Variants in KDM2B observed in about 807,000 individuals in gnomAD.
The protein encoded by KDM2B is lysine demethylase 2B.
A neutral mutation model predicts 150.0 loss-of-function variants in KDM2B; 26 were observed. The observed-to-expected ratio is 0.17, with a 90% CI of 0.13 to 0.24. KDM2B has a LOEUF of 0.24. KDM2B is among the 10% of genes least tolerant of loss of function. KDM2B has a pLI of 1.00. For synonymous variants in KDM2B, 734 were observed against 729.5 expected (o/e 1.01, Z -0.10); for missense variants, 1,265 against 1,816.9 (o/e 0.70, Z 5.52).
At chr12:121,539,945 GGCTAGGCT>G (rs1888468033) in intron 6 of KDM2B, among the ~76,000 whole-genome samples, 1 of 151,958 alleles carries the variant, frequency 6.6e-6, no homozygotes, top group Non-Finnish European at 1.5e-5. Flanking sequence ...TTGCTGTATT[GGCTAGGCT>G]GCTCTCGAAC....
intron 4 of KDM2B, among the ~76,000 whole-genome samples, chr12:121,573,630 G>C (rs2136540902): frequency 6.7e-6 from 1 of 149,832 alleles, no homozygotes; most frequent in Admixed American, 6.7e-5. Context: ...TGTCGCCCAG[G>C]CTGGAGCGCA....
chr12:121,536,028 C>G (rs1888063327), intron 6 of KDM2B: 1 of 985,272 alleles, frequency 1.0e-6, no homozygotes, highest in African/African-American at 1.7e-5. Context: ...ACCTCTTTTC[C>G]CCGCTGCACT....
intron 10 of KDM2B, among the ~76,000 whole-genome samples, chr12:121,511,732 G>A (rs1885610758): frequency 6.6e-6 from 1 of 152,228 alleles, no homozygotes; most frequent in Non-Finnish European, 1.5e-5. Context: ...ATGGTGAATT[G>A]TGTGATATGG....
At chr12:121,500,385 C>T (rs7309786) in intron 11 of KDM2B, among the ~76,000 whole-genome samples, 9,553 of 152,224 alleles carry the variant, frequency 0.063, 719 homozygotes, top group East Asian at 0.23. Context: ...ACCCTTTCTG[C>T]GGGAAACTGC....
chr12:121,487,950 T>G (rs1245536832), intron 12 of KDM2B, among the ~76,000 whole-genome samples: 5 of 151,942 alleles, frequency 3.3e-5, no homozygotes, highest in Non-Finnish European at 5.9e-5. Context: ...CCCGGCTAAT[T>G]TTTTGTATTT....
intron 12 of KDM2B, among the ~76,000 whole-genome samples, chr12:121,492,330 A>T (rs938127355): frequency 3.9e-5 from 6 of 152,068 alleles, no homozygotes; most frequent in African/African-American, 1.4e-4. Flanking sequence ...GATTTAGCAA[A>T]TAAAACTATA....
intron 22 of KDM2B, among the ~76,000 whole-genome samples, chr12:121,432,891 C>T (rs1188332156): frequency 6.6e-6 from 1 of 152,246 alleles, no homozygotes; most frequent in Non-Finnish European, 1.5e-5. Context: ...CTGCCTCTCC[C>T]TTGACACCTT....
At chr12:121,548,309 G>A (rs1889225264) in intron 6 of KDM2B, among the ~76,000 whole-genome samples, 1 of 152,174 alleles carries the variant, frequency 6.6e-6, no homozygotes, top group African/African-American at 2.4e-5. Context: ...GTTAACTTCT[G>A]TACCTAGTGT....
In KDM2B at chr12:121,531,111, G is replaced by A. The variant is rs151098175; in HGVS notation, c.931+1695C>T. 9.7e-3 allele frequency among the ~76,000 whole-genome samples: 1,480 copies of A among 151,986 alleles called. 21 individuals carry two copies. The highest frequency in any genetic ancestry group is 0.031 in the African/African-American group (1,292 of 41,434). On this transcript the variant is annotated intron_variant, in intron 8 of 22. Coordinates refer to ENST00000377071, the MANE Select transcript of KDM2B (RefSeq NM_032590.5). ...AGAAGGAGGATGCCACCTCCTTCCC[G>A]AGTCTCCACTACTCCACATCTGCCA... is the stretch of plus-strand genomic sequence containing the variant.
At position 121,440,826 on chromosome 12, in the gene KDM2B, G is replaced by C; in HGVS notation, c.3600C>G (p.Asp1200Glu). The stretch of plus-strand genomic sequence containing the variant: ...AGCCTGGCAACTCACCTGGCCTGTT[G>C]TCTGTGGGCGGGGACAGGAGATCCC... ...QMRDLLSPPT[D>E]NRPGQMDNRS... The change falls in exon 21 of 23, where the codon GAC becomes GAG. Residue 1200 changes from aspartate (D) to glutamate (E), a missense_variant. Around this residue, in one of 11 missense-constraint regions of KDM2B, gnomAD observed 251 missense variants for 397.8 expected, o/e 0.63. Coordinates refer to ENST00000377071, the MANE Select transcript of KDM2B (RefSeq NM_032590.5). The C allele has an allele frequency of 6.2e-7, 1 of 1,610,988 alleles. No homozygotes were observed. The highest frequency in any genetic ancestry group is 1.1e-5 in the South Asian group (1 of 90,588).
intron 2 of KDM2B, among the ~76,000 whole-genome samples, chr12:121,576,699 C>T (rs1449627385): frequency 6.6e-6 from 1 of 152,192 alleles, no homozygotes; most frequent in Admixed American, 6.5e-5. Context: ...GTGAATCTGA[C>T]CCAACCATAC....
At chr12:121,508,163 T>C (rs535993290) in intron 11 of KDM2B, among the ~76,000 whole-genome samples, 25 of 152,310 alleles carry the variant, frequency 1.6e-4, no homozygotes, top group South Asian at 1.5e-3. Flanking sequence ...CATGGCTCCC[T>C]ATAGCAGTGA....
At chr12:121,417,559 A>G in the KDM2B span, 1 of 1,614,208 alleles carries the variant, frequency 6.2e-7, no homozygotes, top group Non-Finnish European at 8.5e-7. The surrounding 1 kb of genome is among the most constrained non-coding windows in gnomAD (Gnocchi z 5.0). Flanking sequence ...GTCTTACAAG[A>G]AAATCTCCGT....
At chr12:121,579,534 G>A in intron 1 of KDM2B, 1 of 1,241,876 alleles carries the variant, frequency 8.1e-7, no homozygotes, top group Non-Finnish European at 1.1e-6. Context: ...AGGAGGTGGG[G>A]GGAGGAGAAT....
chr12:121,448,621 C>T (rs1876702997), intron 13 of KDM2B, among the ~76,000 whole-genome samples: 1 of 152,080 alleles, frequency 6.6e-6, no homozygotes, highest in Admixed American at 6.6e-5. Flanking sequence ...TATTATGCTG[C>T]TCAGAGGAGC....
intron 11 of KDM2B, among the ~76,000 whole-genome samples, chr12:121,507,574 A>C (rs1035257279): frequency 2.0e-5 from 3 of 152,190 alleles, no homozygotes; most frequent in Non-Finnish European, 2.9e-5. Flanking sequence ...AAAGGGTCTA[A>C]GGTAAGTCCA....
chr12:121,416,868 C>T, the KDM2B span, among the ~76,000 whole-genome samples: 1 of 152,136 alleles, frequency 6.6e-6, no homozygotes, highest in Non-Finnish European at 1.5e-5. Flanking sequence ...TGGTAGGCCT[C>T]CTTGCTCTCT....
intron 4 of KDM2B, among the ~76,000 whole-genome samples, chr12:121,571,287 C>T (rs1594154280): frequency 6.6e-6 from 1 of 151,948 alleles, no homozygotes; most frequent in Non-Finnish European, 1.5e-5. Context: ...AAACCAATGA[C>T]TTGTGCCTTT....
chr12:121,537,107 G>A lies in KDM2B; in HGVS notation c.684-2517C>T, dbSNP rs1040608465. 6.6e-6 allele frequency among the ~76,000 whole-genome samples: 1 copy of A among 152,114 alleles called. No homozygotes were observed. The highest frequency in any genetic ancestry group is 1.5e-5 in the Non-Finnish European group (1 of 68,000). On this transcript the variant is annotated intron_variant, in intron 6 of 22. Transcript: ENST00000377071. The surrounding 1 kb of genome is among the most constrained non-coding windows in gnomAD (Gnocchi z 8.7). ...TCCCGGAGAGGCCCCTCCTCCCGGT[G>A]TCCCTCATTTCCTGGCCGCCAAGCC...
Sources: allele counts gnomAD v4.1 joint callset (sites outside exome capture counted in the v4.1 genomes callset), GRCh38; gene constraint gnomAD v4.1.1; regional missense constraint gnomAD v4.1.1; non-coding constraint Gnocchi (gnomAD v3.1); transcripts MANE v1.5; gene names NCBI Gene and HGNC (gene_info 2026-07-23, HGNC 2026-07-21).